Variants in TTC7B observed in about 807,000 individuals in gnomAD.
TTC7B encodes tetratricopeptide repeat protein 7B.
Under a neutral mutation model 106.8 loss-of-function variants are expected in TTC7B, and 28 were observed. That is an observed-to-expected ratio of 0.26 (90% confidence interval 0.19 to 0.36). TTC7B has a LOEUF of 0.36. Ranked by LOEUF, TTC7B falls within the 10% of genes least tolerant of loss-of-function variation. The pLI is 1.00. For synonymous variants in TTC7B, 405 were observed against 430.6 expected (o/e 0.94, Z 0.74); for missense variants, 862 against 1,076.4 (o/e 0.80, Z 2.79).
chr14:90,679,162 C>G (rs568581362), intron 8 of TTC7B, among the ~76,000 whole-genome samples: 1 of 152,202 alleles, frequency 6.6e-6, no homozygotes. Flanking sequence ...AGCTGACTAT[C>G]GGGCAACCTG....
chr14:90,662,961 T>C (rs1026795611), intron 9 of TTC7B, among the ~76,000 whole-genome samples: 1 of 152,362 alleles, frequency 6.6e-6, no homozygotes, highest in African/African-American at 2.4e-5. Context: ...AAATGTTTCC[T>C]CATTTTAGAA....
chr14:90,554,165 G>A (rs1595153473), intron 19 of TTC7B, among the ~76,000 whole-genome samples: 1 of 152,190 alleles, frequency 6.6e-6, no homozygotes, highest in Non-Finnish European at 1.5e-5. Context: ...TTAGAGAACC[G>A]TTGCTGGCAA....
intron 5 of TTC7B, among the ~76,000 whole-genome samples, chr14:90,711,360 T>C (rs1888438566): frequency 6.6e-6 from 1 of 152,206 alleles, no homozygotes. Context: ...TGAAATTAAG[T>C]CAATACTAAC....
Position 90,578,805 on chromosome 14 carries a change from T to C in TTC7B, c.2108-497A>G, listed in dbSNP as rs61987002. ...ATGGGGCTGCAGGCTGCAGCTATCA[T>C]GTTCACAGGCGTGATGCAAGATGGC... On this transcript the variant is annotated intron_variant, in intron 18 of 19. Coordinates refer to ENST00000328459, the MANE Select transcript of TTC7B (RefSeq NM_001010854.2). The surrounding 1 kb of genome is among the most constrained non-coding windows in gnomAD (Gnocchi z 4.7). Among the ~76,000 whole-genome samples, 12,886 of 152,112 alleles carry C rather than the reference T, an allele frequency of 0.085. 640 individuals carry two copies. The highest frequency in any genetic ancestry group is 0.11 in the South Asian group (547 of 4,812).
chr14:90,617,784 C>T lies in TTC7B; in HGVS notation c.1868+145G>A, dbSNP rs1478286104. ...CCCCTTAAACATGGAGTGTGAAGCT[C>T]CACTGCTATCATCTGCCACTTGTGG... On this transcript the variant is annotated intron_variant, in intron 16 of 19. Transcript: ENST00000328459. 7.6e-6 allele frequency: 5 copies of T among 655,484 alleles called. No homozygotes were observed. In the African/African-American group the frequency reaches 9.0e-5, roughly 12 times the overall value. The allele number at this position is 655,484 out of a possible 1,614,324, so 40.6% of individuals were successfully genotyped here. A position where few individuals can be genotyped will look rare whatever the true frequency, so the allele number is the denominator to read the frequency against.
chr14:90,664,706 G>A (rs532951425), intron 9 of TTC7B, among the ~76,000 whole-genome samples: 2 of 152,348 alleles, frequency 1.3e-5, no homozygotes, highest in South Asian at 2.1e-4. Flanking sequence ...CTCGCAGGGC[G>A]TGAGGACAAA....
rs116090382 is a variant in TTC7B at position 90,778,855 on chromosome 14, C to T, written c.445+1883G>A. 3.8e-3 allele frequency among the ~76,000 whole-genome samples: 573 copies of T among 152,342 alleles called. 6 individuals carry two copies. Among genetic ancestry groups the T allele is most frequent in the African/African-American group, 0.013 (546 of 41,584 alleles). On this transcript the variant is annotated intron_variant, in intron 3 of 19. Coordinates refer to ENST00000328459, the MANE Select transcript of TTC7B (RefSeq NM_001010854.2). Reference sequence around the variant, plus strand: ...TTAATTAGAGGAGCCTGGCAGTACTCAAGGGTCCCCAGGGAACTGGGTGAA... The same window carrying T: ...TTAATTAGAGGAGCCTGGCAGTACTTAAGGGTCCCCAGGGAACTGGGTGAA...
rs1231198084 is a variant in TTC7B, at chr14:90,534,269, G to A, written c.*7099C>T. Reference sequence around the variant, plus strand: ...GGCAGCAGGAAATGCATGACCACAAGTGTGGGAGGAATGTTAGTGGCGGGA... The same window carrying A: ...GGCAGCAGGAAATGCATGACCACAAATGTGGGAGGAATGTTAGTGGCGGGA... On this transcript the variant is annotated 3_prime_UTR_variant, in exon 20 of 20. Coordinates refer to ENST00000328459, the MANE Select transcript of TTC7B (RefSeq NM_001010854.2). The A allele has an allele frequency of 6.6e-6, 1 of 152,448 alleles. No individual in the cohort carries two copies. The highest frequency in any genetic ancestry group is 1.5e-5 in the Non-Finnish European group (1 of 68,172). 9.4% of individuals were successfully genotyped at this position (152,448 alleles called of 1,614,324 possible).
At position 90,600,953 on chromosome 14, in the gene TTC7B, G is replaced by C. The variant is rs558057759; in HGVS notation, c.1967-7327C>G. 6.6e-6 allele frequency among the ~76,000 whole-genome samples: 1 copy of C among 152,270 alleles called. No homozygotes were observed. Among genetic ancestry groups the C allele is most frequent in the African/African-American group, 2.4e-5 (1 of 41,554 alleles). Reference sequence around the variant, plus strand: ...CTTCTGCCTGGGGAAGGCTCTCTGAGCCTCCAAGTGCCTGACTGCCGGCGT... The same window carrying C: ...CTTCTGCCTGGGGAAGGCTCTCTGACCCTCCAAGTGCCTGACTGCCGGCGT... On this transcript the variant is annotated intron_variant, in intron 17 of 19. Transcript: ENST00000328459. The surrounding 1 kb of genome is among the most constrained non-coding windows in gnomAD (Gnocchi z 4.3).
chr14:90,601,726 C>T (rs1892432302), intron 17 of TTC7B, among the ~76,000 whole-genome samples: 1 of 152,220 alleles, frequency 6.6e-6, no homozygotes, highest in Admixed American at 6.5e-5. Context: ...CAATCCTGCT[C>T]AGCCACCTCC....
At chr14:90,621,272 C>T (rs1193311502) in intron 15 of TTC7B, among the ~76,000 whole-genome samples, 1 of 143,716 alleles carries the variant, frequency 7.0e-6, no homozygotes, top group Non-Finnish European at 1.5e-5. Flanking sequence ...TGAGCAGAGG[C>T]CACGGGGTAC....
At chr14:90,653,702 G>C (rs1277419532) in intron 12 of TTC7B, among the ~76,000 whole-genome samples, 2 of 152,208 alleles carry the variant, frequency 1.3e-5, no homozygotes, top group Non-Finnish European at 2.9e-5. Flanking sequence ...ATGAGACTGA[G>C]AGCAGTGAAA....
intron 17 of TTC7B, among the ~76,000 whole-genome samples, chr14:90,601,161 CA>C (rs1244677993): frequency 6.6e-6 from 1 of 151,732 alleles, no homozygotes; most frequent in Non-Finnish European, 1.5e-5. Context: ...ATTAAAATAG[CA>C]AAAAAAGGTT....
Position 90,552,753 on chromosome 14 carries a change from C to T in TTC7B, c.2311-11164G>A, listed in dbSNP as rs541848705. Among the ~76,000 whole-genome samples, 129 of 152,296 alleles carry T rather than the reference C, an allele frequency of 8.5e-4. No homozygotes were observed. In the East Asian group the frequency reaches 0.015, roughly 18 times the overall value. ...GGAGGAGAGCTCCAGAAGATGTGAG[C>T]GGGAGCCTGGCCCCCAGGCCGGACA... On this transcript the variant is annotated intron_variant, in intron 19 of 19. Coordinates refer to ENST00000328459, the MANE Select transcript of TTC7B (RefSeq NM_001010854.2).
intron 19 of TTC7B, among the ~76,000 whole-genome samples, chr14:90,548,534 T>G (rs966425409): frequency 3.0e-4 from 45 of 152,248 alleles, no homozygotes; most frequent in African/African-American, 1.0e-3. Flanking sequence ...GACACCATCT[T>G]GTGTGACAGG....
chr14:90,677,049 G>A (rs1250507097), intron 8 of TTC7B, among the ~76,000 whole-genome samples: 2 of 152,174 alleles, frequency 1.3e-5, no homozygotes, highest in Non-Finnish European at 2.9e-5. Flanking sequence ...CCTCACTCGT[G>A]AATCCTGCTT....
chr14:90,609,252 C>T (rs540807729), intron 17 of TTC7B, among the ~76,000 whole-genome samples: 1 of 152,234 alleles, frequency 6.6e-6, no homozygotes, highest in Non-Finnish European at 1.5e-5. Flanking sequence ...CTCCATGGCT[C>T]AGTCCACATT....
At position 90,663,966 on chromosome 14, in the gene TTC7B, A is replaced by G. The variant is rs779164498; in HGVS notation, c.1153-5579T>C. 1.2e-4 allele frequency among the ~76,000 whole-genome samples: 18 copies of G among 152,272 alleles called. No homozygotes were observed. The highest frequency in any genetic ancestry group is 2.2e-4 in the Non-Finnish European group (15 of 68,018). ...CTGGATATATAACATGTCCTCCCCT[A>G]TGTTTCTGTAAACATGAAGATTACA... On this transcript the variant is annotated intron_variant, in intron 9 of 19. Transcript: ENST00000328459. The surrounding 1 kb of genome is among the most constrained non-coding windows in gnomAD (Gnocchi z 4.5).
At chr14:90,546,281 C>T (rs1889826771) in intron 19 of TTC7B, among the ~76,000 whole-genome samples, 1 of 152,224 alleles carries the variant, frequency 6.6e-6, no homozygotes, top group Non-Finnish European at 1.5e-5. Context: ...CTTCCTTTCC[C>T]TTCCCTTCCC....
Sources: allele counts gnomAD v4.1 joint callset (sites outside exome capture counted in the v4.1 genomes callset), GRCh38; gene constraint gnomAD v4.1.1; non-coding constraint Gnocchi (gnomAD v3.1); transcripts MANE v1.5; gene names NCBI Gene and HGNC (gene_info 2026-07-23, HGNC 2026-07-21).